The following RBM20 variants were observed in gnomAD, a reference collection of about 807,000 sequenced individuals.
The protein encoded by RBM20 is RNA binding motif protein 20.
Under a neutral mutation model 110.1 loss-of-function variants are expected in RBM20, and 51 were observed. The observed-to-expected ratio is 0.46, with a 90% CI of 0.37 to 0.59. The LOEUF (loss-of-function observed/expected upper bound fraction) is 0.59. Among genes scored for constraint, RBM20 ranks in the 20% least tolerant of loss-of-function variants. RBM20 has a pLI of 0.00. For missense variants in RBM20, 1,512 were observed against 1,574.9 expected, an observed-to-expected ratio of 0.96 and a Z score of 0.68; for synonymous variants, 589 against 618.2, an observed-to-expected ratio of 0.95 and a Z score of 0.70.
chr10:110,832,536 T>TAA (rs889452250), intron 13 of RBM20, among the ~76,000 whole-genome samples: 1 of 147,252 alleles, frequency 6.8e-6, no homozygotes, highest in Non-Finnish European at 1.5e-5. Context: ...CACCCCTAGT[T>TAA]AAAAAAAAAA....
rs147354443 is a variant in RBM20 at position 110,755,372 on chromosome 10, C to G, written c.192-25429C>G. ...TCGAGTCTCTTTAGGTTAAAGCTTTCTCCCTAAATCAGCCTGGTAGGGATG... is the reference window on the plus strand; with the variant it reads ...TCGAGTCTCTTTAGGTTAAAGCTTTGTCCCTAAATCAGCCTGGTAGGGATG... On this transcript the variant is annotated intron_variant, in intron 1 of 13. Coordinates refer to ENST00000369519, the MANE Select transcript of RBM20 (RefSeq NM_001134363.3). Among the ~76,000 whole-genome samples, 4 of 152,320 alleles carry G rather than the reference C, an allele frequency of 2.6e-5. No individual in the cohort carries two copies. The East Asian group carries it at 7.7e-4, about 29-fold the overall frequency.
rs1394447854 is a variant in RBM20 at position 110,739,649 on chromosome 10, AC to A, written c.192-41150del. 1.3e-5 allele frequency among the ~76,000 whole-genome samples: 2 copies of A among 152,130 alleles called. No homozygotes were observed. Among genetic ancestry groups the A allele is most frequent in the Non-Finnish European group, 2.9e-5 (2 of 68,022 alleles). The stretch of plus-strand genomic sequence containing the variant: ...AAGGCAGAGTGGCAGGGGAAAGAGC[AC>A]CAGCATCAATGTGAACATTCTAGCT... On this transcript the variant is annotated intron_variant, in intron 1 of 13. Coordinates refer to ENST00000369519, the MANE Select transcript of RBM20 (RefSeq NM_001134363.3). The surrounding 1 kb of genome is among the most constrained non-coding windows in gnomAD (Gnocchi z 4.1).
At chr10:110,717,659 G>A (rs964863615) in intron 1 of RBM20, among the ~76,000 whole-genome samples, 1 of 152,190 alleles carries the variant, frequency 6.6e-6, no homozygotes, top group Non-Finnish European at 1.5e-5. Flanking sequence ...TTGTTCACTT[G>A]TGTTCTGTAG....
In RBM20 at chr10:110,818,125, CAA is replaced by C. The variant is rs11317341; in HGVS notation, c.2551-1932_2551-1931del. On this transcript the variant is annotated intron_variant, in intron 9 of 13. Coordinates refer to ENST00000369519, the MANE Select transcript of RBM20 (RefSeq NM_001134363.3). ...TGAAACCCTGTCTCTACTAAAAATA[CAA>C]AAAAAAAAAAAAAATTAGCCAGGTG... is the stretch of plus-strand genomic sequence containing the variant. Among the ~76,000 whole-genome samples the C allele has an allele frequency of 9.8e-3, 1,354 of 138,204 alleles. 7 individuals carry two copies. Among genetic ancestry groups the C allele is most frequent in the African/African-American group, 0.022 (832 of 37,432 alleles). 90.7% of individuals were successfully genotyped at this position (138,204 alleles called of 152,430 possible).
chr10:110,737,186 A>AAAAAAAAAAAAAAAAAAAAAC (rs1564830182), intron 1 of RBM20, among the ~76,000 whole-genome samples: 1 of 140,136 alleles, frequency 7.1e-6, no homozygotes, highest in Non-Finnish European at 1.5e-5. Flanking sequence ...TCAAAAAAAA[A>AAAAAAAAAAAAAAAAAAAAAC]AAAAAAAAAA....
chr10:110,693,530 C>T (rs1437432968), intron 1 of RBM20, among the ~76,000 whole-genome samples: 1 of 152,102 alleles, frequency 6.6e-6, no homozygotes, highest in Non-Finnish European at 1.5e-5. Flanking sequence ...TCAAACGTGA[C>T]CATTCTAAAC....
At chr10:110,804,978 TC>T (rs1218197439) in intron 7 of RBM20, among the ~76,000 whole-genome samples, 10 of 152,168 alleles carry the variant, frequency 6.6e-5, no homozygotes, top group African/African-American at 2.4e-4. Flanking sequence ...CTTGCCAGCC[TC>T]CTCGCTACAG....
intron 1 of RBM20, among the ~76,000 whole-genome samples, chr10:110,767,743 G>C (rs1413798446): frequency 1.3e-5 from 2 of 152,098 alleles, no homozygotes; most frequent in Non-Finnish European, 2.9e-5. Flanking sequence ...CGGCCGGGCA[G>C]AGACGCTCCT....
intron 1 of RBM20, among the ~76,000 whole-genome samples, chr10:110,767,094 T>G (rs1590664292): frequency 2.1e-5 from 2 of 94,618 alleles, no homozygotes; most frequent in African/African-American, 4.2e-5. Flanking sequence ...CCCCCCCACC[T>G]CCCTCCCGGA....
chr10:110,804,109 A>G (rs1844666607), intron 7 of RBM20, among the ~76,000 whole-genome samples: 1 of 152,112 alleles, frequency 6.6e-6, no homozygotes, highest in South Asian at 2.1e-4. Context: ...TTTTCCTAGA[A>G]GCTCCCACAA....
chr10:110,793,454 G>A (rs1348425388), intron 5 of RBM20, among the ~76,000 whole-genome samples: 1 of 152,226 alleles, frequency 6.6e-6, no homozygotes, highest in Non-Finnish European at 1.5e-5. Context: ...GCTAACCAGT[G>A]TTAAAAGACA....
intron 1 of RBM20, among the ~76,000 whole-genome samples, chr10:110,735,071 G>A (rs992072933): frequency 2.6e-5 from 4 of 152,104 alleles, no homozygotes; most frequent in Non-Finnish European, 5.9e-5. Context: ...TCGAGGTATC[G>A]CAGGGCTTGT....
chr10:110,661,883 CA>C (rs1862108328), intron 1 of RBM20, among the ~76,000 whole-genome samples: 1 of 151,970 alleles, frequency 6.6e-6, no homozygotes, highest in Non-Finnish European at 1.5e-5. Context: ...TGGTGGTGGG[CA>C]CCTGTAATCC....
chr10:110,732,705 A>G (rs967323808), intron 1 of RBM20, among the ~76,000 whole-genome samples: 1 of 152,154 alleles, frequency 6.6e-6, no homozygotes, highest in African/African-American at 2.4e-5. Flanking sequence ...AAAACTCTTC[A>G]GGGAGCCTGG....
intron 1 of RBM20, among the ~76,000 whole-genome samples, chr10:110,674,911 A>G (rs1250816871): frequency 2.0e-5 from 3 of 152,256 alleles, no homozygotes; most frequent in African/African-American, 7.2e-5. Flanking sequence ...GAGGACATAG[A>G]AATATATCAT....
intron 5 of RBM20, among the ~76,000 whole-genome samples, chr10:110,793,874 C>T (rs1318612064): frequency 2.6e-5 from 4 of 152,218 alleles, no homozygotes; most frequent in East Asian, 1.9e-4. Flanking sequence ...GATCTCAACT[C>T]GCATTTTTCA....
rs761312854 is a variant in RBM20, at chr10:110,781,511, C to T, written c.902C>T (p.Ala301Val). ...HVASGFPAEQ[A>V]GGLKSEVGPL... ...GCCAGCGGATTTCCAGCTGAGCAGGCTGGGGGCCTGAAAAGTGAGGTCGGG... is the reference window on the plus strand; with the variant it reads ...GCCAGCGGATTTCCAGCTGAGCAGGTTGGGGGCCTGAAAAGTGAGGTCGGG... The change falls in exon 2 of 14, where the codon GCT (alanine) becomes GTT (valine). Residue 301 changes from alanine to valine, a missense_variant. Ala to Val is a moderately conservative substitution (Grantham distance 64, BLOSUM62 0). This residue lies in a region of RBM20 where 1,149 missense variants were observed against 1,169.4 expected (regional missense o/e 0.98). Coordinates refer to ENST00000369519, the MANE Select transcript of RBM20 (RefSeq NM_001134363.3). The T allele has an allele frequency of 1.9e-6, 3 of 1,551,644 alleles. No individual in the cohort carries two copies. The highest frequency in any genetic ancestry group is 2.6e-6 in the Non-Finnish European group (3 of 1,146,990).
intron 13 of RBM20, among the ~76,000 whole-genome samples, chr10:110,833,955 C>G (rs1299736502): frequency 6.6e-6 from 1 of 152,190 alleles, no homozygotes; most frequent in Non-Finnish European, 1.5e-5. Context: ...TTAAATCAGG[C>G]AACTTTTAAA....
rs1435880289 is a variant in RBM20 at position 110,644,947 on chromosome 10, C to A, written c.191+302C>A. Among the ~76,000 whole-genome samples, 1 of 152,072 alleles carries A rather than the reference C, an allele frequency of 6.6e-6. No individual in the cohort carries two copies. The highest frequency in any genetic ancestry group is 1.5e-5 in the Non-Finnish European group (1 of 68,026). ...CTCAGATTGGGGGGAAATGGCCCAGCGACTGTATTTCATCTTTCTGGTCCC... is the reference window on the plus strand; with the variant it reads ...CTCAGATTGGGGGGAAATGGCCCAGAGACTGTATTTCATCTTTCTGGTCCC... On this transcript the variant is annotated intron_variant, in intron 1 of 13. Coordinates refer to ENST00000369519, the MANE Select transcript of RBM20 (RefSeq NM_001134363.3). The surrounding 1 kb of genome is among the most constrained non-coding windows in gnomAD (Gnocchi z 4.3).
Sources: gnomAD v4.1 joint callset for allele counts (sites outside exome capture counted in the v4.1 genomes callset) on GRCh38, gnomAD v4.1.1 for gene constraint, gnomAD v4.1.1 regional missense constraint, Gnocchi (gnomAD v3.1) non-coding constraint, MANE v1.5 for transcripts, NCBI Gene and HGNC (gene_info 2026-07-23, HGNC 2026-07-21) for gene names.